The following AAK1 variants were observed in gnomAD, a reference collection of about 807,000 sequenced individuals.
AAK1 encodes AP2-associated protein kinase 1.
Under a neutral mutation model 116.0 loss-of-function variants are expected in AAK1, and 37 were observed. The ratio of observed to expected loss-of-function variants is 0.32; its 90% CI spans 0.25 to 0.42. The LOEUF is 0.42. Ranked by LOEUF, AAK1 falls within the 10% of genes least tolerant of loss-of-function variation. The probability of loss-of-function intolerance (pLI) is 1.00; values close to 1 mark genes in which losing one functional copy is unlikely to be tolerated. For synonymous variants in AAK1, 458 were observed against 439.9 expected (o/e 1.04, Z -0.51); for missense variants, 919 against 1,170.6 (o/e 0.79, Z 3.14).
chr2:69,556,428 A>G (rs1671387780), intron 3 of AAK1, among the ~76,000 whole-genome samples: 1 of 152,164 alleles, frequency 6.6e-6, no homozygotes, highest in Non-Finnish European at 1.5e-5. Flanking sequence ...TAAAAATATT[A>G]AGTTGTATAA....
intron 16 of AAK1, among the ~76,000 whole-genome samples, chr2:69,501,630 T>C (rs1254322172): frequency 1.3e-5 from 2 of 152,320 alleles, no homozygotes; most frequent in East Asian, 1.9e-4. Flanking sequence ...AAAAGAATTT[T>C]AAAATATGTT....
chr2:69,590,532 C>G (rs1356879493), intron 2 of AAK1, among the ~76,000 whole-genome samples: 4 of 152,266 alleles, frequency 2.6e-5, no homozygotes, highest in African/African-American at 9.6e-5. Context: ...GCCATCCCCA[C>G]TAACCTTGTA....
chr2:69,529,606 C>G (rs3771545), intron 8 of AAK1, among the ~76,000 whole-genome samples: 22,552 of 152,174 alleles, frequency 0.15, 2,230 homozygotes, highest in African/African-American at 0.28. Context: ...TCTTAATTAT[C>G]TATTCACTCC....
Position 69,473,956 on chromosome 2 carries a change from G to A in AAK1, c.*1913C>T, listed in dbSNP as rs1240937676. 1.3e-5 allele frequency: 13 copies of A among 985,452 alleles called. No homozygotes were observed. Among genetic ancestry groups the A allele is most frequent in the Non-Finnish European group, 1.4e-5 (12 of 829,856 alleles). 61.0% of individuals were successfully genotyped at this position (985,452 alleles called of 1,614,324 possible). On this transcript the variant is annotated 3_prime_UTR_variant, in exon 22 of 22. Transcript: ENST00000409085. ...GGATATCTTTTGCTTTTTAATCCTC[G>A]GCAGGAAGCTTGTGCCTCTCTCAGT...
At position 69,465,586 on chromosome 2, in the gene AAK1, C is replaced by T. The variant is rs1269341737; in HGVS notation, c.*10283G>A. 6.2e-6 allele frequency: 8 copies of T among 1,290,884 alleles called. No individual in the cohort carries two copies. Among genetic ancestry groups the T allele is most frequent in the Admixed American group, 2.3e-5 (1 of 43,542 alleles). The allele number at this position is 1,290,884 out of a possible 1,614,324, so 80.0% of individuals were successfully genotyped here. A position where few individuals can be genotyped will look rare whatever the true frequency, so the allele number is the denominator to read the frequency against. On this transcript the variant is annotated 3_prime_UTR_variant, in exon 22 of 22. Transcript: ENST00000409085. Reference sequence around the variant, plus strand: ...ATTTTGTAGGCAGCAATGGGCTGGGCTTCTGGACTTGGCTCGTCTTCTGGG... The same window carrying T: ...ATTTTGTAGGCAGCAATGGGCTGGGTTTCTGGACTTGGCTCGTCTTCTGGG...
At chr2:69,479,643 C>T (rs908743834) in intron 19 of AAK1, among the ~76,000 whole-genome samples, 4 of 152,188 alleles carry the variant, frequency 2.6e-5, no homozygotes, top group Admixed American at 1.3e-4. Flanking sequence ...TTAAACAGTA[C>T]CTTCTAGAAC....
At chr2:69,583,484 A>G (rs1420881428) in intron 2 of AAK1, among the ~76,000 whole-genome samples, 4 of 152,226 alleles carry the variant, frequency 2.6e-5, no homozygotes, top group African/African-American at 9.7e-5. Flanking sequence ...CTGAAGGCAA[A>G]GAGATTTTCT....
intron 2 of AAK1, among the ~76,000 whole-genome samples, chr2:69,588,947 G>A (rs1311675604): frequency 6.6e-6 from 1 of 152,138 alleles, no homozygotes. Context: ...AAGAACTTCC[G>A]TTGCTTTTTA....
chr2:69,554,190 C>T (rs888963321), intron 3 of AAK1, among the ~76,000 whole-genome samples: 6 of 152,026 alleles, frequency 3.9e-5, no homozygotes, highest in Non-Finnish European at 5.9e-5. Context: ...CCAGGAAATT[C>T]CAAGATTCGA....
Position 69,520,914 on chromosome 2 carries a change from G to A in AAK1, c.1130C>T (p.Pro377Leu), listed in dbSNP as rs1171492134. The A allele has an allele frequency of 1.2e-6, 2 of 1,611,468 alleles. No homozygotes were observed. The highest frequency in any genetic ancestry group is 2.2e-5 in the East Asian group (1 of 44,830). ...RQRPKAGQTQPNPGILPIQPA... is the reference protein window; with the variant it reads ...RQRPKAGQTQLNPGILPIQPA... ...CTGGATGGGAAGGATTCCTGGGTTC[G>A]GCTGAGTCTGCCCAGCTTTAGGCCT... is the stretch of plus-strand genomic sequence containing the variant. Residue 377 changes from proline to leucine, a missense_variant, in exon 11 of 22, where the codon CCG becomes CTG. Pro to Leu is a moderately conservative substitution (Grantham distance 98). Coordinates refer to ENST00000409085, the MANE Select transcript of AAK1 (RefSeq NM_014911.5).
At chr2:69,582,420 C>T (rs1474264132) in intron 2 of AAK1, among the ~76,000 whole-genome samples, 1 of 152,042 alleles carries the variant, frequency 6.6e-6, no homozygotes, top group Admixed American at 6.6e-5. Flanking sequence ...CGTGTGTGTG[C>T]GTGCACACAT....
intron 2 of AAK1, among the ~76,000 whole-genome samples, chr2:69,561,567 A>G (rs1408795289): frequency 6.6e-6 from 1 of 152,222 alleles, no homozygotes; most frequent in African/African-American, 2.4e-5. Context: ...GAGTTCAGAT[A>G]AGATCCCTCA....
rs1670064518 is a variant in AAK1, at chr2:69,527,219, T to A, written c.972A>T (p.Val324=). 3 of 1,594,508 alleles carry A rather than the reference T, an allele frequency of 1.9e-6. No homozygotes were observed. Among genetic ancestry groups the A allele is most frequent in the Non-Finnish European group, 2.6e-6 (3 of 1,166,202 alleles). The change falls in exon 9 of 22, where the codon GTA becomes GTT. Residue 324 remains valine (V), a synonymous_variant. Transcript: ENST00000409085. ...LLKKECPIPN[V]QNSPIPAKLP... ...TTAAATAGCACCATTCACGTACCTG[T>A]ACATTTGGAATTGGGCACTCTTTCT...
chr2:69,630,019 A>G (rs541377755), intron 2 of AAK1, among the ~76,000 whole-genome samples: 292 of 152,282 alleles, frequency 1.9e-3, no homozygotes, highest in Non-Finnish European at 3.1e-3. Flanking sequence ...TGCGGGGAAC[A>G]CCATGAGTAA....
rs913677468 is a variant in AAK1 at position 69,468,438 on chromosome 2, A to G, written c.*7431T>C. 2 of 985,364 alleles carry G rather than the reference A, an allele frequency of 2.0e-6. No homozygotes were observed. Among genetic ancestry groups the G allele is most frequent in the Non-Finnish European group, 2.4e-6 (2 of 829,858 alleles). The allele number at this position is 985,364 out of a possible 1,614,324, so 61.0% of individuals were successfully genotyped here. A position where few individuals can be genotyped will look rare whatever the true frequency, so the allele number is the denominator to read the frequency against. On this transcript the variant is annotated 3_prime_UTR_variant, in exon 22 of 22. Transcript: ENST00000409085. ...CTTCCTCACATAGTATCAGTTGGAC[A>G]AAGTTTTCAGTTGCCAAAACAAAAG...
rs1194497700 is a variant in AAK1 at position 69,474,745 on chromosome 2, C to T, written c.*1124G>A. 1 of 985,548 alleles carries T rather than the reference C, an allele frequency of 1.0e-6. No individual in the cohort carries two copies. The highest frequency in any genetic ancestry group is 1.2e-6 in the Non-Finnish European group (1 of 829,908). 61.1% of individuals were successfully genotyped at this position (985,548 alleles called of 1,614,324 possible). A position where few individuals can be genotyped will look rare whatever the true frequency, so the allele number is the denominator to read the frequency against. On this transcript the variant is annotated 3_prime_UTR_variant, in exon 22 of 22. Coordinates refer to ENST00000409085, the MANE Select transcript of AAK1 (RefSeq NM_014911.5). ...TGCTGAAAGCTTATAGCACACAAGT[C>T]TATTCAAAATGATTCCATATGTTAC... is the stretch of plus-strand genomic sequence containing the variant.
Position 69,469,089 on chromosome 2 carries a change from T to C in AAK1, c.*6780A>G, listed in dbSNP as rs1032529018. 10 of 985,340 alleles carry C rather than the reference T, an allele frequency of 1.0e-5. No individual in the cohort carries two copies. In the East Asian group the frequency reaches 1.1e-3, roughly 112 times the overall value. The allele number at this position is 985,340 out of a possible 1,614,324, so 61.0% of individuals were successfully genotyped here. A position where few individuals can be genotyped will look rare whatever the true frequency, so the allele number is the denominator to read the frequency against. On this transcript the variant is annotated 3_prime_UTR_variant, in exon 22 of 22. Coordinates refer to ENST00000409085, the MANE Select transcript of AAK1 (RefSeq NM_014911.5). ...TTTCTTTCAGCATCAACAGGCTTTG[T>C]AGGAATGGAAAAGTACATTTAAAGG... is the stretch of plus-strand genomic sequence containing the variant.
intron 3 of AAK1, among the ~76,000 whole-genome samples, chr2:69,552,766 TAAA>T (rs1479340655): frequency 6.6e-6 from 1 of 151,684 alleles, no homozygotes; most frequent in African/African-American, 2.4e-5. Context: ...TGTAAGACTA[TAAA>T]ACTTAAAAGA....
chr2:69,485,820 G>A (rs1231505327), intron 17 of AAK1, among the ~76,000 whole-genome samples: 2 of 151,880 alleles, frequency 1.3e-5, no homozygotes, highest in African/African-American at 2.4e-5. Context: ...CACCACACTC[G>A]GCTAATTTTT....
Sources: gnomAD v4.1 joint callset for allele counts (sites outside exome capture counted in the v4.1 genomes callset) on GRCh38, gnomAD v4.1.1 for gene constraint, MANE v1.5 for transcripts, NCBI Gene and HGNC (gene_info 2026-07-23, HGNC 2026-07-21) for gene names.